PLCB4: variants seen among roughly 807,000 people sequenced by gnomAD.
PLCB4 encodes phospholipase C beta 4, also known as 1-phosphatidylinositol 4,5-bisphosphate phosphodiesterase beta-4.
In PLCB4, 77 loss-of-function variants were observed where a neutral mutation model predicts 178.8. The observed-to-expected ratio is 0.43, with a 90% CI of 0.36 to 0.52. The LOEUF is 0.52. Among genes scored for constraint, PLCB4 ranks in the 20% least tolerant of loss-of-function variants. PLCB4 has a pLI of 0.00. For synonymous variants in PLCB4, 496 were observed against 490.8 expected, an observed-to-expected ratio of 1.01 and a Z score of -0.14; for missense variants, 1,024 against 1,453.4, an observed-to-expected ratio of 0.70 and a Z score of 4.80.
intron 4 of PLCB4, among the ~76,000 whole-genome samples, chr20:9,322,491 C>T (rs534266865): frequency 1.1e-4 from 17 of 152,274 alleles, no homozygotes; most frequent in Admixed American, 3.3e-4. Context: ...TTGTCAAGAA[C>T]GTTAATTGAA....
chr20:9,185,671 G>C (rs1170723131), intron 2 of PLCB4, among the ~76,000 whole-genome samples: 1 of 152,150 alleles, frequency 6.6e-6, no homozygotes, highest in Non-Finnish European at 1.5e-5. Context: ...GTAAAAGCCA[G>C]AGTCTTTACC....
intron 28 of PLCB4, among the ~76,000 whole-genome samples, chr20:9,433,620 T>A (rs1478934567): frequency 6.6e-6 from 1 of 152,248 alleles, no homozygotes; most frequent in East Asian, 1.9e-4. Flanking sequence ...CAAATGTTTA[T>A]AATTGTTGGG....
At chr20:9,415,869 G>A (rs1042604882) in intron 25 of PLCB4, among the ~76,000 whole-genome samples, 42 of 152,126 alleles carry the variant, frequency 2.8e-4, no homozygotes, top group African/African-American at 9.7e-4. Flanking sequence ...GCCAGATTCT[G>A]GCTTCAGCTT....
chr20:9,340,376 C>A (rs975963018), intron 7 of PLCB4, among the ~76,000 whole-genome samples: 1 of 152,240 alleles, frequency 6.6e-6, no homozygotes, highest in Non-Finnish European at 1.5e-5. Flanking sequence ...CAGGCCCACC[C>A]AGATGTTCTG....
At chr20:9,170,971 G>T (rs573314384) in intron 2 of PLCB4, among the ~76,000 whole-genome samples, 10 of 152,216 alleles carry the variant, frequency 6.6e-5, no homozygotes, top group African/African-American at 2.2e-4. Context: ...GTTGTTTAGG[G>T]GCTGTAAAGT....
chr20:9,469,858 G>T (rs998320396), intron 36 of PLCB4, among the ~76,000 whole-genome samples: 1 of 152,146 alleles, frequency 6.6e-6, no homozygotes, highest in Non-Finnish European at 1.5e-5. Flanking sequence ...AATTCCCAGC[G>T]ATCACCAGTG....
intron 30 of PLCB4, 56 bp from the exon 31 acceptor site, chr20:9,443,925 G>C (rs1431040664): frequency 3.0e-6 from 3 of 989,800 alleles, no homozygotes; most frequent in Admixed American, 2.0e-5. Flanking sequence ...TATATTACCA[G>C]TTATTCTCTC....
chr20:9,168,444 G>A (rs2093008695), intron 2 of PLCB4, among the ~76,000 whole-genome samples: 3 of 152,148 alleles, frequency 2.0e-5, no homozygotes, highest in South Asian at 4.1e-4. Context: ...ATTGAGACTC[G>A]GTCTGTGGGC....
At chr20:9,395,672 A>G (rs1355995531) in intron 19 of PLCB4, 54 bp downstream of exon 19, 2 of 1,315,668 alleles carry the variant, frequency 1.5e-6, no homozygotes, top group African/African-American at 1.4e-5. Flanking sequence ...CTTTTTAAAT[A>G]AGAAAACCAG....
intron 3 of PLCB4, among the ~76,000 whole-genome samples, chr20:9,243,742 C>T (rs1032235016): frequency 2.0e-5 from 3 of 152,116 alleles, no homozygotes; most frequent in African/African-American, 4.8e-5. Flanking sequence ...AAAACCAGAC[C>T]GCATGGATTC....
In PLCB4 at chr20:9,453,375, G is replaced by C; in HGVS notation, c.2909G>C (p.Cys970Ser). The C allele has an allele frequency of 6.2e-7, 1 of 1,612,132 alleles. No individual in the cohort carries two copies. The highest frequency in any genetic ancestry group is 8.5e-7 in the Non-Finnish European group (1 of 1,178,546). Residue 970 changes from cysteine (C) to serine (S), a missense_variant, in exon 33 of 40, where the codon TGC (cysteine) becomes TCC (serine). Cys to Ser is a moderately radical substitution (Grantham distance 112, BLOSUM62 -1). This residue lies in a region of PLCB4 where 264 missense variants were observed against 283.2 expected (regional missense o/e 0.93). Transcript: ENST00000378473. ...KEHSTMQKLH[C>S]TQVDKIVAQY... is the part of the protein sequence containing the mutation. Reference sequence around the variant, plus strand: ...CACAGTACCATGCAGAAGTTACACTGCACGCAAGTTGACAAAATTGTGGCA... The same window carrying C: ...CACAGTACCATGCAGAAGTTACACTCCACGCAAGTTGACAAAATTGTGGCA...
intron 2 of PLCB4, among the ~76,000 whole-genome samples, chr20:9,207,191 C>A (rs1270419030): frequency 6.6e-6 from 1 of 152,186 alleles, no homozygotes; most frequent in East Asian, 1.9e-4. Context: ...AAGGAGGTTT[C>A]TGTGACAAAA....
intron 8 of PLCB4, among the ~76,000 whole-genome samples, chr20:9,365,172 G>A (rs916523656): frequency 3.9e-5 from 6 of 152,106 alleles, no homozygotes; most frequent in African/African-American, 1.4e-4. Flanking sequence ...ATGAATTTTA[G>A]ATAAGAAACA....
intron 2 of PLCB4, among the ~76,000 whole-genome samples, chr20:9,213,569 T>G (rs963938529): frequency 6.6e-6 from 1 of 152,262 alleles, no homozygotes. Context: ...TATCAGTTGA[T>G]GGACATTGGG....
chr20:9,423,786 G>A lies in PLCB4; in HGVS notation c.2358G>A (p.Val786=). The change falls in exon 28 of 40, where the codon GTG becomes GTA. Residue 786 remains valine, a synonymous_variant. Coordinates refer to ENST00000378473, the MANE Select transcript of PLCB4 (RefSeq NM_001377142.1). The part of the protein sequence containing the change: ...LPDLAVLRIA[V]YDDNNKLIGQ... ...ACCTGGCTGTCTTGAGAATAGCTGTGTATGATGATAACAACAAGCTGATTG... is the reference window on the plus strand; with the variant it reads ...ACCTGGCTGTCTTGAGAATAGCTGTATATGATGATAACAACAAGCTGATTG... 1 of 1,613,962 alleles carries A rather than the reference G, an allele frequency of 6.2e-7. No homozygotes were observed. Among genetic ancestry groups the A allele is most frequent in the Middle Eastern group, 1.6e-4 (1 of 6,062 alleles).
At chr20:9,441,904 A>C (rs918813035) in intron 30 of PLCB4, among the ~76,000 whole-genome samples, 4 of 125,700 alleles carry the variant, frequency 3.2e-5, no homozygotes, top group African/African-American at 1.1e-4. Context: ...AACTGCACCA[A>C]CACGACTTTT....
At chr20:9,445,084 G>T (rs1337504029) in intron 32 of PLCB4, among the ~76,000 whole-genome samples, 2 of 152,192 alleles carry the variant, frequency 1.3e-5, no homozygotes, top group Non-Finnish European at 2.9e-5. Flanking sequence ...GTTGCAAATT[G>T]TAAGAGAACA....
intron 3 of PLCB4, among the ~76,000 whole-genome samples, chr20:9,243,600 T>C (rs2094091054): frequency 6.6e-6 from 1 of 152,250 alleles, no homozygotes; most frequent in African/African-American, 2.4e-5. Context: ...TGCAATTTTT[T>C]GCATCCTTCT....
chr20:9,242,854 A>G (rs749898954), intron 3 of PLCB4, among the ~76,000 whole-genome samples: 6 of 152,168 alleles, frequency 3.9e-5, no homozygotes, highest in Non-Finnish European at 8.8e-5. Context: ...GGCATCTGCG[A>G]GTTAACAGCC....
Sources: allele counts gnomAD v4.1 joint callset (sites outside exome capture counted in the v4.1 genomes callset), GRCh38; gene constraint gnomAD v4.1.1; regional missense constraint gnomAD v4.1.1; transcripts MANE v1.5; gene names NCBI Gene and HGNC (gene_info 2026-07-23, HGNC 2026-07-21).